Variants in FRK observed in about 807,000 individuals in gnomAD.
The protein encoded by FRK is fyn related Src family tyrosine kinase, also known as tyrosine-protein kinase FRK.
In FRK, 51 loss-of-function variants were observed where a neutral mutation model predicts 56.4. That is an observed-to-expected ratio of 0.90 (90% CI 0.72 to 1.14). FRK has a LOEUF of 1.14. Among genes scored for constraint, FRK ranks in the 50% most tolerant of loss-of-function variants. The pLI is 0.00. For missense variants in FRK, 570 were observed against 601.4 expected (o/e 0.95, Z 0.55); for synonymous variants, 245 against 217.9 (o/e 1.12, Z -1.10).
chr6:115,959,389 T>C (rs1156621728), intron 4 of FRK, among the ~76,000 whole-genome samples: 1 of 152,192 alleles, frequency 6.6e-6, no homozygotes, highest in East Asian at 1.9e-4. Context: ...AGAACAACGT[T>C]AGGAAGGCTA....
the FRK span, among the ~76,000 whole-genome samples, chr6:116,096,627 C>T: frequency 6.6e-6 from 1 of 152,198 alleles, no homozygotes; most frequent in South Asian, 2.1e-4. Context: ...TGTAAATGCA[C>T]CAATCAGCAC....
At chr6:116,042,847 C>T (rs1410616830) in intron 1 of FRK, among the ~76,000 whole-genome samples, 6 of 151,710 alleles carry the variant, frequency 4.0e-5, no homozygotes, top group South Asian at 4.2e-4. Context: ...ATCCATCTCA[C>T]GTGCAAAGAC....
At chr6:115,948,148 A>G (rs1772542238) in intron 5 of FRK, among the ~76,000 whole-genome samples, 1 of 152,198 alleles carries the variant, frequency 6.6e-6, no homozygotes, top group Non-Finnish European at 1.5e-5. Context: ...TGCTCACTCT[A>G]ATAAAGCAAG....
At chr6:116,057,052 A>G (rs1422954957) in intron 1 of FRK, among the ~76,000 whole-genome samples, 1 of 152,250 alleles carries the variant, frequency 6.6e-6, no homozygotes, top group Non-Finnish European at 1.5e-5. Context: ...CAATAACTCC[A>G]GAAGTATTTG....
At chr6:115,948,199 C>T (rs1266380861) in intron 5 of FRK, among the ~76,000 whole-genome samples, 1 of 152,174 alleles carries the variant, frequency 6.6e-6, no homozygotes, top group African/African-American at 2.4e-5. Context: ...GTCCCTCTAG[C>T]AAGGAGCAAA....
chr6:115,968,722 C>T lies in FRK; in HGVS notation c.484G>A (p.Val162Ile), dbSNP rs764595423. The T allele has an allele frequency of 1.9e-6, 3 of 1,612,724 alleles. No homozygotes were observed. Among genetic ancestry groups the T allele is most frequent in the East Asian group, 4.5e-5 (2 of 44,872 alleles). ...FSLSVLDGAV[V>I]KHYRIKRLDE... ...AGTCTTTTAATTCTGTAGTGTTTTACAACTGCTCCATCTAAAACTGGAACC... is the reference window on the plus strand; with the variant it reads ...AGTCTTTTAATTCTGTAGTGTTTTATAACTGCTCCATCTAAAACTGGAACC... Residue 162 changes from valine to isoleucine, a missense_variant, in exon 3 of 8, where the codon GTA becomes ATA. Val to Ile is a conservative substitution (Grantham distance 29). Coordinates refer to ENST00000606080, the MANE Select transcript of FRK (RefSeq NM_002031.3).
chr6:115,998,959 CAG>C (rs1256267488), intron 2 of FRK, among the ~76,000 whole-genome samples: 1 of 152,154 alleles, frequency 6.6e-6, no homozygotes, highest in African/African-American at 2.4e-5. Flanking sequence ...CTTTTACGTG[CAG>C]AGTTGTCTCA....
the FRK span, among the ~76,000 whole-genome samples, chr6:116,066,181 T>C: frequency 6.6e-6 from 1 of 152,124 alleles, no homozygotes; most frequent in Non-Finnish European, 1.5e-5. Flanking sequence ...CTTAATCTGT[T>C]CGGCATCACC....
At chr6:116,072,034 T>G in the FRK span, among the ~76,000 whole-genome samples, 1 of 152,176 alleles carries the variant, frequency 6.6e-6, no homozygotes, top group Non-Finnish European at 1.5e-5. Context: ...GATGTAGTCA[T>G]GAAAAGAGGT....
intron 2 of FRK, among the ~76,000 whole-genome samples, chr6:115,977,591 G>A (rs1281320224): frequency 1.3e-5 from 2 of 152,160 alleles, no homozygotes; most frequent in Non-Finnish European, 2.9e-5. Context: ...ACATCTAATA[G>A]GTGCCAGGTC....
At chr6:116,002,600 G>C in intron 2 of FRK, 1 of 416,092 alleles carries the variant, frequency 2.4e-6, no homozygotes, top group Non-Finnish European at 5.0e-6. Context: ...GCGACACTCC[G>C]TCTCAAAAAA....
chr6:116,066,635 G>A, the FRK span, among the ~76,000 whole-genome samples: 1 of 152,088 alleles, frequency 6.6e-6, no homozygotes, highest in Non-Finnish European at 1.5e-5. Flanking sequence ...CTCTGCTGGG[G>A]CTGTCTCCAG....
chr6:116,069,430 T>A, the FRK span, among the ~76,000 whole-genome samples: 1 of 152,230 alleles, frequency 6.6e-6, no homozygotes, highest in Non-Finnish European at 1.5e-5. Context: ...TTAACTCCTA[T>A]GAAAATATTT....
At position 115,982,501 on chromosome 6, in the gene FRK, C is replaced by T. The variant is rs540889301; in HGVS notation, c.467-13762G>A. 1.1e-3 allele frequency among the ~76,000 whole-genome samples: 174 copies of T among 152,174 alleles called. 1 individual carries two copies. Among genetic ancestry groups the T allele is most frequent in the African/African-American group, 4.0e-3 (165 of 41,502 alleles). On this transcript the variant is annotated intron_variant, in intron 2 of 7. Transcript: ENST00000606080. ...GTAGACTATGTTTACTTTTATTTGT[C>T]ATTGTTTGGTGCAAATGTAGGTCAG...
chr6:115,962,302 C>A (rs1355834082), intron 4 of FRK, among the ~76,000 whole-genome samples: 1 of 150,542 alleles, frequency 6.6e-6, no homozygotes, highest in Non-Finnish European at 1.5e-5. Context: ...ACAAAGAAGG[C>A]CATTACATAA....
At chr6:115,959,858 T>C (rs1773254532) in intron 4 of FRK, among the ~76,000 whole-genome samples, 1 of 152,154 alleles carries the variant, frequency 6.6e-6, no homozygotes, top group African/African-American at 2.4e-5. Flanking sequence ...TTATCTTATA[T>C]CGAATTTGAC....
At chr6:116,003,800 G>A (rs550155555) in intron 2 of FRK, 77 bp downstream of exon 2, 30 of 1,496,178 alleles carry the variant, frequency 2.0e-5, no homozygotes, top group Middle Eastern at 1.8e-4. Context: ...TTAAATGATC[G>A]TGTCCATGTT....
chr6:115,972,673 T>G (rs1457850135), intron 2 of FRK, among the ~76,000 whole-genome samples: 1 of 152,238 alleles, frequency 6.6e-6, no homozygotes, highest in Non-Finnish European at 1.5e-5. Context: ...GATCTGACTT[T>G]GAACTTCTAC....
At chr6:116,047,927 A>T (rs1777041516) in intron 1 of FRK, among the ~76,000 whole-genome samples, 1 of 152,244 alleles carries the variant, frequency 6.6e-6, no homozygotes, top group South Asian at 2.1e-4. Flanking sequence ...GTGGGAGGAG[A>T]CTACCCCAAG....
Sources: allele counts gnomAD v4.1 joint callset (sites outside exome capture counted in the v4.1 genomes callset), GRCh38; gene constraint gnomAD v4.1.1; transcripts MANE v1.5; gene names NCBI Gene and HGNC (gene_info 2026-07-23, HGNC 2026-07-21).